Variants in ZSCAN25 observed in about 807,000 individuals in gnomAD.
The protein encoded by ZSCAN25 is zinc finger and SCAN domain containing 25.
A neutral mutation model predicts 38.7 loss-of-function variants in ZSCAN25; 27 were observed. The ratio of observed to expected loss-of-function variants is 0.70; its 90% CI spans 0.51 to 0.96. ZSCAN25 has a LOEUF of 0.96. Among genes scored for constraint, ZSCAN25 ranks in the 40% least tolerant of loss-of-function variants. The pLI is 0.00. For missense variants in ZSCAN25, 637 were observed against 705.9 expected (o/e 0.90, Z 1.11); for synonymous variants, 273 against 277.7 (o/e 0.98, Z 0.17).
At chr7:99,664,029 A>T in the ZSCAN25 span, 4 of 1,601,984 alleles carry the variant, frequency 2.5e-6, no homozygotes, top group African/African-American at 2.7e-5. Flanking sequence ...TAAAAAATTT[A>T]TGGTATCTTT....
In ZSCAN25 at chr7:99,619,839, AGGAGCAGATCCTGGAGCTGCTGGTGCT is replaced by A. The variant is rs751398489; in HGVS notation, c.241_267del (p.Ile81_Gln89del). 3.1e-6 allele frequency: 5 copies of A among 1,614,246 alleles called. No individual in the cohort carries two copies. The highest frequency in any genetic ancestry group is 4.2e-6 in the Non-Finnish European group (5 of 1,180,048). On this transcript the variant is annotated inframe_deletion, in exon 4 of 8. Transcript: ENST00000394152. The stretch of plus-strand genomic sequence containing the variant: ...TGGCTGAGGCCCGAGTTGCACACCA[AGGAGCAGATCCTGGAGCTGCTGGTGCT>A]GGAGCAGTTCCTCACTATCCTGCCC...
intron 2 of ZSCAN25, 60 bp from the exon 3 acceptor site, chr7:99,618,988 A>G (rs1447587832): frequency 6.6e-6 from 1 of 152,282 alleles, no homozygotes; most frequent in Non-Finnish European, 1.5e-5. Flanking sequence ...GTCTTTAGAA[A>G]AGCCTTCTTC....
Position 99,631,289 on chromosome 7 carries a change from G to A in ZSCAN25, c.*1269G>A. ...GTCCTGGACACCCACTGGGGATGATGAGCTGGTAGCGACCTGTTTTGCATG... is the reference window on the plus strand; with the variant it reads ...GTCCTGGACACCCACTGGGGATGATAAGCTGGTAGCGACCTGTTTTGCATG... On this transcript the variant is annotated 3_prime_UTR_variant, in exon 8 of 8. Transcript: ENST00000394152. 1.0e-6 allele frequency: 1 copy of A among 985,388 alleles called. No individual in the cohort carries two copies. The highest frequency in any genetic ancestry group is 1.2e-6 in the Non-Finnish European group (1 of 829,932). 61.0% of individuals were successfully genotyped at this position (985,388 alleles called of 1,614,324 possible). A position where few individuals can be genotyped will look rare whatever the true frequency, so the allele number is the denominator to read the frequency against.
chr7:99,681,089 A>T, the ZSCAN25 span, among the ~76,000 whole-genome samples: 2 of 152,354 alleles, frequency 1.3e-5, no homozygotes, highest in Non-Finnish European at 2.9e-5. Context: ...TTCACTTAAC[A>T]TGATGACCTC....
At chr7:99,716,098 C>G in the ZSCAN25 span, among the ~76,000 whole-genome samples, 2 of 152,180 alleles carry the variant, frequency 1.3e-5, no homozygotes, top group African/African-American at 4.8e-5. Context: ...ACAGCTGGCT[C>G]TCCGCTGGGG....
At chr7:99,677,116 T>C in the ZSCAN25 span, 4 of 925,990 alleles carry the variant, frequency 4.3e-6, no homozygotes, top group African/African-American at 5.3e-5. Flanking sequence ...CCATTAAGCC[T>C]GGTGTTCACT....
chr7:99,619,997 G>A lies in ZSCAN25; in HGVS notation c.387+4G>A. On this transcript the variant is annotated splice_donor_region_variant and intron_variant, in intron 4 of 7. Coordinates refer to ENST00000394152, the MANE Select transcript of ZSCAN25 (RefSeq NM_145115.3). Reference sequence around the variant, plus strand: ...AAGAGCACTGGAGGCCAAGGCGGTGGGTGAGGAGGGGATCCAGGTCTGGCG... The same window carrying A: ...AAGAGCACTGGAGGCCAAGGCGGTGAGTGAGGAGGGGATCCAGGTCTGGCG... 1 of 1,607,786 alleles carries A rather than the reference G, an allele frequency of 6.2e-7. No individual in the cohort carries two copies. Among genetic ancestry groups the A allele is most frequent in the Non-Finnish European group, 8.5e-7 (1 of 1,177,908 alleles).
chr7:99,662,738 A>G, the ZSCAN25 span: 9 of 1,361,718 alleles, frequency 6.6e-6, no homozygotes, highest in Admixed American at 1.6e-4. The surrounding 1 kb of genome is among the most constrained non-coding windows in gnomAD (Gnocchi z 4.3). Flanking sequence ...TTCCTGGAAT[A>G]CTTCCTGCAC....
At chr7:99,638,156 C>G in the ZSCAN25 span, 6 of 1,238,820 alleles carry the variant, frequency 4.8e-6, no homozygotes, top group Non-Finnish European at 6.6e-6. Flanking sequence ...AGAAAAGTGG[C>G]AATTGAAAGA....
chr7:99,679,864 G>A, the ZSCAN25 span: 1 of 1,614,098 alleles, frequency 6.2e-7, no homozygotes, highest in East Asian at 2.2e-5. Context: ...GGAGAAGCCA[G>A]GTTTCCACCG....
chr7:99,681,223 G>C, the ZSCAN25 span, among the ~76,000 whole-genome samples: 4 of 152,186 alleles, frequency 2.6e-5, no homozygotes, highest in African/African-American at 9.7e-5. Flanking sequence ...CACTTAGGTT[G>C]CTTCCAAATC....
In ZSCAN25 at chr7:99,631,737, G is replaced by A. The variant is rs1233804477; in HGVS notation, c.*1717G>A. The A allele has an allele frequency of 6.1e-6, 6 of 985,254 alleles. No homozygotes were observed. The South Asian group carries it at 2.8e-4, about 46-fold the overall frequency. The allele number at this position is 985,254 out of a possible 1,614,324, so 61.0% of individuals were successfully genotyped here. A position where few individuals can be genotyped will look rare whatever the true frequency, so the allele number is the denominator to read the frequency against. On this transcript the variant is annotated 3_prime_UTR_variant, in exon 8 of 8. Coordinates refer to ENST00000394152, the MANE Select transcript of ZSCAN25 (RefSeq NM_145115.3). The stretch of plus-strand genomic sequence containing the variant: ...ACCTGTTCTTGTTAGGCAGCATGGT[G>A]TCTAATTTTGGCTTAGCAAATGACG...
At chr7:99,728,635 C>T in the ZSCAN25 span, among the ~76,000 whole-genome samples, 1 of 152,296 alleles carries the variant, frequency 6.6e-6, no homozygotes, top group Non-Finnish European at 1.5e-5. Context: ...GGTACATGTA[C>T]ACTAGTATTT....
chr7:99,696,856 C>T, the ZSCAN25 span, among the ~76,000 whole-genome samples: 2 of 152,156 alleles, frequency 1.3e-5, no homozygotes, highest in East Asian at 1.9e-4. Flanking sequence ...GGTGTTTCCT[C>T]GTGACAATGA....
chr7:99,674,838 G>A, the ZSCAN25 span, among the ~76,000 whole-genome samples: 1 of 152,208 alleles, frequency 6.6e-6, no homozygotes, highest in Non-Finnish European at 1.5e-5. Flanking sequence ...TGACCAGTAA[G>A]TAATTCCTTG....
At chr7:99,674,799 C>G in the ZSCAN25 span, among the ~76,000 whole-genome samples, 1 of 152,190 alleles carries the variant, frequency 6.6e-6, no homozygotes, top group Non-Finnish European at 1.5e-5. Context: ...TGAATTTTCT[C>G]TAAGTACTGA....
chr7:99,638,840 G>A, the ZSCAN25 span: 3 of 664,370 alleles, frequency 4.5e-6, no homozygotes, highest in South Asian at 1.8e-5. Flanking sequence ...CCGCCGCTGC[G>A]AAACTGAAAC....
the ZSCAN25 span, chr7:99,677,242 G>A: frequency 2.0e-6 from 2 of 985,300 alleles, no homozygotes; most frequent in Non-Finnish European, 1.2e-6. Context: ...TGGAAAACTG[G>A]AGGAAGAAGA....
chr7:99,642,552 A>G, the ZSCAN25 span, among the ~76,000 whole-genome samples: 2 of 152,216 alleles, frequency 1.3e-5, no homozygotes, highest in African/African-American at 2.4e-5. Flanking sequence ...TCACCCCCAG[A>G]AATATGAACG....
Sources: gnomAD v4.1 joint callset for allele counts (sites outside exome capture counted in the v4.1 genomes callset) on GRCh38, gnomAD v4.1.1 for gene constraint, Gnocchi (gnomAD v3.1) non-coding constraint, MANE v1.5 for transcripts, NCBI Gene and HGNC (gene_info 2026-07-23, HGNC 2026-07-21) for gene names.